The following KCNIP4 variants were observed in gnomAD, a reference collection of about 807,000 sequenced individuals.
The protein encoded by KCNIP4 is potassium voltage-gated channel interacting protein 4.
A neutral mutation model predicts 34.0 loss-of-function variants in KCNIP4; 12 were observed. The ratio of observed to expected loss-of-function variants is 0.35; its 90% CI spans 0.23 to 0.57. The LOEUF is 0.57. KCNIP4 is among the 20% of genes least tolerant of loss of function. The pLI is 0.83. For synonymous variants in KCNIP4, 124 were observed against 102.2 expected (o/e 1.21, Z -1.29); for missense variants, 238 against 311.7 (o/e 0.76, Z 1.78).
chr4:21,915,010 CA>C (rs1728546968), intron 1 of KCNIP4, among the ~76,000 whole-genome samples: 2 of 151,720 alleles, frequency 1.3e-5, no homozygotes, highest in Non-Finnish European at 2.9e-5. Context: ...AAAAAAAAAT[CA>C]AAAGAAGAAA....
intron 5 of KCNIP4, among the ~76,000 whole-genome samples, chr4:20,740,952 A>G (rs951384422): frequency 1.3e-5 from 2 of 152,232 alleles, no homozygotes; most frequent in Non-Finnish European, 2.9e-5. Context: ...CATTAAACCA[A>G]CAAAGATCAA....
At chr4:20,814,149 T>C (rs766681242) in intron 3 of KCNIP4, among the ~76,000 whole-genome samples, 8 of 152,162 alleles carry the variant, frequency 5.3e-5, no homozygotes, top group Non-Finnish European at 8.8e-5. Flanking sequence ...TATGAGTTTG[T>C]TAAAAATGCA....
chr4:20,933,802 A>T (rs1484395982), intron 1 of KCNIP4, among the ~76,000 whole-genome samples: 1 of 152,038 alleles, frequency 6.6e-6, no homozygotes, highest in African/African-American at 2.4e-5. Flanking sequence ...CATAATGTTC[A>T]CAAGTAGGGT....
chr4:21,217,000 T>C (rs1403526878), intron 1 of KCNIP4, among the ~76,000 whole-genome samples: 1 of 152,220 alleles, frequency 6.6e-6, no homozygotes, highest in African/African-American at 2.4e-5. Context: ...ATTTCAATTA[T>C]AATCAATATT....
chr4:21,458,311 A>C (rs535705281), intron 1 of KCNIP4, among the ~76,000 whole-genome samples: 32 of 151,864 alleles, frequency 2.1e-4, no homozygotes, highest in Non-Finnish European at 3.5e-4. Context: ...TGTCCCTACA[A>C]AGGACAGGAA....
At chr4:21,511,230 C>G (rs999084533) in intron 1 of KCNIP4, among the ~76,000 whole-genome samples, 10 of 151,892 alleles carry the variant, frequency 6.6e-5, no homozygotes, top group African/African-American at 2.2e-4. Context: ...TACTAGGAAA[C>G]AGTGTATTAA....
At chr4:20,922,417 C>T (rs1577371507) in intron 1 of KCNIP4, among the ~76,000 whole-genome samples, 2 of 152,226 alleles carry the variant, frequency 1.3e-5, no homozygotes, top group Non-Finnish European at 2.9e-5. Flanking sequence ...GCGTCTGGTT[C>T]GTGGGCCTTC....
chr4:21,309,616 T>C lies in KCNIP4; in HGVS notation c.62-426907A>G, dbSNP rs542790958. On this transcript the variant is annotated intron_variant, in intron 1 of 8. Transcript: ENST00000382152. The stretch of plus-strand genomic sequence containing the variant: ...CACACGGAGCACTTTATATGGATTA[T>C]TTCACTGTATCCTCTGTAAACCCTA... Among the ~76,000 whole-genome samples the C allele has an allele frequency of 2.6e-5, 4 of 152,336 alleles. No individual in the cohort carries two copies. In the South Asian group the frequency reaches 8.3e-4, roughly 32 times the overall value.
At chr4:20,916,391 A>G (rs1728821418) in intron 1 of KCNIP4, 2 of 974,740 alleles carry the variant, frequency 2.1e-6, no homozygotes, top group East Asian at 1.1e-4. Context: ...TATTTTTCTC[A>G]TGAGATTTTC....
At chr4:21,276,213 C>T (rs560050700) in intron 1 of KCNIP4, among the ~76,000 whole-genome samples, 10 of 152,288 alleles carry the variant, frequency 6.6e-5, no homozygotes, top group South Asian at 6.2e-4. Context: ...TGAATGTGAC[C>T]GTTTAAATTA....
intron 1 of KCNIP4, among the ~76,000 whole-genome samples, chr4:21,403,811 A>G (rs992965687): frequency 6.6e-6 from 1 of 152,134 alleles, no homozygotes; most frequent in Admixed American, 6.5e-5. Flanking sequence ...TCTGGAGGGG[A>G]CAAATGCTGT....
intron 1 of KCNIP4, chr4:21,848,946 A>ATATGTGTGTG (rs367624093): frequency 7.8e-6 from 1 of 128,446 alleles, no homozygotes; most frequent in Non-Finnish European, 1.7e-5. Context: ...ATATACATAT[A>ATATGTGTGTG]TGTGTGTGTG....
intron 1 of KCNIP4, among the ~76,000 whole-genome samples, chr4:21,636,462 T>C (rs1001980525): frequency 6.6e-6 from 1 of 152,150 alleles, no homozygotes; most frequent in African/African-American, 2.4e-5. Flanking sequence ...TTTTCCTATG[T>C]GAAGAGCTGC....
intron 1 of KCNIP4, among the ~76,000 whole-genome samples, chr4:21,836,627 G>A (rs761000833): frequency 3.3e-5 from 5 of 152,134 alleles, no homozygotes; most frequent in African/African-American, 1.2e-4. Flanking sequence ...ACTTCACACT[G>A]TAAAAAATGC....
At chr4:20,882,530 A>C (rs1373643160) in intron 2 of KCNIP4, 78 bp downstream of exon 2, 20 of 909,600 alleles carry the variant, frequency 2.2e-5, no homozygotes, top group Admixed American at 8.2e-5. Context: ...TTCTTTGTAG[A>C]GAACGGCAAT....
chr4:21,301,598 G>A (rs949112275), intron 1 of KCNIP4, among the ~76,000 whole-genome samples: 10 of 152,134 alleles, frequency 6.6e-5, no homozygotes, highest in African/African-American at 1.7e-4. Flanking sequence ...ACTCTCAGGC[G>A]AAAAGAAATC....
At chr4:21,853,626 GAT>G (rs796285373) in intron 1 of KCNIP4, among the ~76,000 whole-genome samples, 3 of 152,158 alleles carry the variant, frequency 2.0e-5, no homozygotes, top group African/African-American at 7.2e-5. Context: ...GAATTGGAAG[GAT>G]ACAACAGAAA....
intron 3 of KCNIP4, among the ~76,000 whole-genome samples, chr4:20,808,456 T>A (rs1421593053): frequency 6.6e-6 from 1 of 152,218 alleles, no homozygotes; most frequent in East Asian, 1.9e-4. Context: ...GCTCTTTTGA[T>A]GGATTGATAA....
At chr4:21,543,393 C>A (rs1056256560) in intron 1 of KCNIP4, among the ~76,000 whole-genome samples, 4 of 151,904 alleles carry the variant, frequency 2.6e-5, no homozygotes, top group Non-Finnish European at 5.9e-5. Context: ...TTCATTTTTA[C>A]ACTTAGTTTT....
Sources: gnomAD v4.1 joint callset for allele counts (sites outside exome capture counted in the v4.1 genomes callset) on GRCh38, gnomAD v4.1.1 for gene constraint, MANE v1.5 for transcripts, NCBI Gene and HGNC (gene_info 2026-07-23, HGNC 2026-07-21) for gene names.